SLC4A10: variants seen among roughly 807,000 people sequenced by gnomAD.
SLC4A10 encodes the protein solute carrier family 4 member 10.
In SLC4A10, 42 loss-of-function variants were observed where a neutral mutation model predicts 137.7. The observed-to-expected ratio is 0.30, with a 90% CI of 0.24 to 0.39. The LOEUF (loss-of-function observed/expected upper bound fraction) is 0.39. Ranked by LOEUF, SLC4A10 falls within the 10% of genes least tolerant of loss-of-function variation. The probability of loss-of-function intolerance (pLI) is 1.00; values close to 1 mark genes in which losing one functional copy is unlikely to be tolerated. For missense variants in SLC4A10, 925 were observed against 1,355.0 expected, an observed-to-expected ratio of 0.68 and a Z score of 4.98; for synonymous variants, 474 against 464.1, an observed-to-expected ratio of 1.02 and a Z score of -0.27.
At chr2:161,775,226 A>C (rs551147603) in intron 2 of SLC4A10, among the ~76,000 whole-genome samples, 21 of 152,018 alleles carry the variant, frequency 1.4e-4, no homozygotes, top group African/African-American at 4.6e-4. Context: ...GCCATATCAG[A>C]TGTGGGATCT....
chr2:161,831,774 G>A (rs550006149), intron 3 of SLC4A10, among the ~76,000 whole-genome samples: 2 of 152,228 alleles, frequency 1.3e-5, no homozygotes, highest in Admixed American at 1.3e-4. Flanking sequence ...TTTAGAGGTA[G>A]GAAGGTGGTG....
intron 16 of SLC4A10, among the ~76,000 whole-genome samples, chr2:161,945,702 C>G (rs748607327): frequency 6.6e-6 from 1 of 151,610 alleles, no homozygotes; most frequent in Non-Finnish European, 1.5e-5. Context: ...CACAATTTTT[C>G]TCTTTTAAAA....
chr2:161,742,724 A>G (rs914353089), intron 1 of SLC4A10, among the ~76,000 whole-genome samples: 1 of 151,726 alleles, frequency 6.6e-6, no homozygotes, highest in African/African-American at 2.4e-5. Context: ...ACAGGCATGA[A>G]CCATGGTGCC....
chr2:161,884,613 C>G (rs1197794187), intron 10 of SLC4A10, among the ~76,000 whole-genome samples: 1 of 152,082 alleles, frequency 6.6e-6, no homozygotes, highest in Non-Finnish European at 1.5e-5. Flanking sequence ...CATCAGTCAT[C>G]TATTTTTTCA....
At chr2:161,839,140 G>T (rs180784618) in intron 3 of SLC4A10, among the ~76,000 whole-genome samples, 1 of 152,300 alleles carries the variant, frequency 6.6e-6, no homozygotes, top group East Asian at 1.9e-4. Flanking sequence ...GAAAAAGAAT[G>T]AACTACTAAT....
At chr2:161,699,867 G>A (rs1025085405) in intron 1 of SLC4A10, among the ~76,000 whole-genome samples, 1 of 152,084 alleles carries the variant, frequency 6.6e-6, no homozygotes, top group African/African-American at 2.4e-5. Flanking sequence ...TTATTTCCTG[G>A]ATTTGAGGCA....
intron 1 of SLC4A10, among the ~76,000 whole-genome samples, chr2:161,691,003 C>T (rs1161713102): frequency 6.6e-6 from 1 of 151,836 alleles, no homozygotes; most frequent in African/African-American, 2.4e-5. Context: ...CAAATTATGA[C>T]TATAATATGG....
chr2:161,904,121 T>C lies in SLC4A10; in HGVS notation c.1560T>C (p.Cys520=), dbSNP rs773937233. Residue 520 remains cysteine (C), a synonymous_variant, in exon 13 of 27, where the codon TGT becomes TGC. Coordinates refer to ENST00000446997, the MANE Select transcript of SLC4A10 (RefSeq NM_001178015.2). ...CTTTTCTATTTCTCTACTGCGCGTG[T>C]ATGTCTCCTGTCATCACGTTTGGAG... ...LASFLFLYCA[C]MSPVITFGGL... The C allele has an allele frequency of 1.9e-5, 31 of 1,611,198 alleles. 1 individual carries two copies. The South Asian group carries it at 3.4e-4, about 18-fold the overall frequency.
intron 1 of SLC4A10, among the ~76,000 whole-genome samples, chr2:161,689,428 T>C (rs1236766374): frequency 6.6e-6 from 1 of 152,214 alleles, no homozygotes; most frequent in Non-Finnish European, 1.5e-5. Context: ...TACTTACCAT[T>C]GTATTACAAT....
chr2:161,657,705 C>G (rs1229635581), intron 1 of SLC4A10, among the ~76,000 whole-genome samples: 2 of 151,702 alleles, frequency 1.3e-5, no homozygotes, highest in Non-Finnish European at 2.9e-5. Context: ...AAATTGTTAA[C>G]ATAGGGAGAA....
chr2:161,876,445 A>G (rs1023948386), intron 8 of SLC4A10, among the ~76,000 whole-genome samples: 16 of 152,274 alleles, frequency 1.1e-4, no homozygotes, highest in Non-Finnish European at 2.1e-4. Context: ...TTGAGAGGCC[A>G]AGTCAGGAGG....
At chr2:161,867,672 A>T (rs1347387380) in intron 6 of SLC4A10, among the ~76,000 whole-genome samples, 1 of 151,930 alleles carries the variant, frequency 6.6e-6, no homozygotes, top group Admixed American at 6.6e-5. Context: ...CAGGCATACT[A>T]ATTTTTCTCC....
At position 161,900,968 on chromosome 2, in the gene SLC4A10, C is replaced by A. The variant is rs1682972026; in HGVS notation, c.1399C>A (p.Pro467Thr). The change falls in exon 12 of 27, where the codon CCC becomes ACC. Residue 467 changes from proline (P) to threonine (T), a missense_variant. Transcript: ENST00000446997. ...NGTAAHGEAE[P>T]HGGHSGPELQ... is the part of the protein sequence containing the mutation. ...AACAGCAGCTCATGGGGAAGCAGAG[C>A]CCCACGGAGGACATAGTGGACCTGA... 6.4e-7 allele frequency: 1 copy of A among 1,569,312 alleles called. No individual in the cohort carries two copies. The highest frequency in any genetic ancestry group is 2.4e-5 in the East Asian group (1 of 42,220).
At chr2:161,763,787 A>G (rs2050512333) in intron 1 of SLC4A10, among the ~76,000 whole-genome samples, 1 of 152,170 alleles carries the variant, frequency 6.6e-6, no homozygotes, top group African/African-American at 2.4e-5. Flanking sequence ...AAGAGAGAGC[A>G]TGGGGAAAAG....
At chr2:161,791,021 A>C (rs2054143681) in intron 2 of SLC4A10, among the ~76,000 whole-genome samples, 1 of 152,166 alleles carries the variant, frequency 6.6e-6, no homozygotes, top group Non-Finnish European at 1.5e-5. Context: ...ATTGGTGGAA[A>C]CGTAAATTAG....
In SLC4A10 at chr2:161,943,929, C is replaced by G. The variant is rs570363348; in HGVS notation, c.2103+1032C>G. Reference sequence around the variant, plus strand: ...CTATTGACTATATTCTTGATTTTCTCTATTGAATATGTTCTTTCAAAATTG... The same window carrying G: ...CTATTGACTATATTCTTGATTTTCTGTATTGAATATGTTCTTTCAAAATTG... On this transcript the variant is annotated intron_variant, in intron 16 of 26. Coordinates refer to ENST00000446997, the MANE Select transcript of SLC4A10 (RefSeq NM_001178015.2). Among the ~76,000 whole-genome samples, 11 of 152,010 alleles carry G rather than the reference C, an allele frequency of 7.2e-5. No individual in the cohort carries two copies. In the South Asian group the frequency reaches 2.1e-3, roughly 29 times the overall value.
chr2:161,802,316 C>T (rs1010309884), intron 2 of SLC4A10, among the ~76,000 whole-genome samples: 2 of 151,962 alleles, frequency 1.3e-5, no homozygotes, highest in Admixed American at 6.6e-5. Flanking sequence ...AGTTTCATGC[C>T]AATCTCACCT....
intron 9 of SLC4A10, among the ~76,000 whole-genome samples, chr2:161,881,007 G>A (rs1359440671): frequency 2.6e-5 from 4 of 151,828 alleles, no homozygotes; most frequent in East Asian, 1.9e-4. Flanking sequence ...AGAGAACAAC[G>A]GAGAAAAAAA....
intron 2 of SLC4A10, among the ~76,000 whole-genome samples, chr2:161,798,561 C>T (rs1467084492): frequency 6.6e-6 from 1 of 151,734 alleles, no homozygotes; most frequent in African/African-American, 2.4e-5. Context: ...AATTCTGAGT[C>T]TGTTGAACAT....
Sources: gnomAD v4.1 joint callset for allele counts (sites outside exome capture counted in the v4.1 genomes callset) on GRCh38, gnomAD v4.1.1 for gene constraint, MANE v1.5 for transcripts, NCBI Gene and HGNC (gene_info 2026-07-23, HGNC 2026-07-21) for gene names.